TBX15: variants seen among roughly 807,000 people sequenced by gnomAD.
The protein encoded by TBX15 is T-box transcription factor 15.
Under a neutral mutation model 53.9 loss-of-function variants are expected in TBX15, and 18 were observed. The ratio of observed to expected loss-of-function variants is 0.33; its 90% CI spans 0.23 to 0.49. The LOEUF is 0.49. Among genes scored for constraint, TBX15 ranks in the 20% least tolerant of loss-of-function variants. The pLI is 0.98. For missense variants in TBX15, 692 were observed against 749.5 expected, an observed-to-expected ratio of 0.92 and a Z score of 0.90; for synonymous variants, 295 against 278.0, an observed-to-expected ratio of 1.06 and a Z score of -0.61.
intron 6 of TBX15, among the ~76,000 whole-genome samples, chr1:118,910,689 C>T (rs1027481049): frequency 6.6e-6 from 1 of 152,186 alleles, no homozygotes; most frequent in African/African-American, 2.4e-5. Flanking sequence ...GGTCCCCTTA[C>T]TTGCCGTAGC....
chr1:118,986,173 A>T lies in TBX15; in HGVS notation c.205+1418T>A, dbSNP rs577163548. Among the ~76,000 whole-genome samples the T allele has an allele frequency of 4.6e-5, 7 of 152,328 alleles. No homozygotes were observed. In the East Asian group the frequency reaches 1.4e-3, roughly 29 times the overall value. On this transcript the variant is annotated intron_variant, in intron 1 of 7. Transcript: ENST00000369429. ...AGAACTTCTAACTGTATGAAGGCCC[A>T]CGCGAGATTTTGACAATAGATAAAT...
chr1:118,923,350 C>T (rs1655487636), intron 5 of TBX15, 86 bp downstream of exon 5: 5 of 1,548,778 alleles, frequency 3.2e-6, no homozygotes, highest in Admixed American at 1.8e-5. Context: ...GTCAAATTCC[C>T]CTGAAAGTAA....
At chr1:118,920,887 G>A (rs1057396297) in intron 5 of TBX15, among the ~76,000 whole-genome samples, 1 of 152,186 alleles carries the variant, frequency 6.6e-6, no homozygotes, top group Non-Finnish European at 1.5e-5. Flanking sequence ...ATGGAAGTTA[G>A]CAGAAACAGG....
chr1:118,985,566 CCG>C (rs1657803581), intron 1 of TBX15, among the ~76,000 whole-genome samples: 1 of 152,208 alleles, frequency 6.6e-6, no homozygotes, highest in Non-Finnish European at 1.5e-5. Context: ...AAGGATTCCC[CCG>C]GCCCACTAAA....
intron 1 of TBX15, among the ~76,000 whole-genome samples, chr1:118,951,555 G>T (rs1478270357): frequency 2.0e-5 from 3 of 152,148 alleles, no homozygotes; most frequent in East Asian, 3.9e-4. Flanking sequence ...GTCTCCAAAT[G>T]GTTCCTTAGC....
At chr1:118,891,094 A>AACAGTGCTGT in intron 7 of TBX15, 1 of 289,348 alleles carries the variant, frequency 3.5e-6, no homozygotes, top group Non-Finnish European at 6.3e-6. Context: ...AGTTGAGATG[A>AACAGTGCTGT]GTACCATCCT....
At chr1:118,976,256 A>G (rs1050796570) in intron 1 of TBX15, among the ~76,000 whole-genome samples, 25 of 151,998 alleles carry the variant, frequency 1.6e-4, no homozygotes, top group Non-Finnish European at 5.9e-5. Flanking sequence ...CATTCAGCTC[A>G]GTTATAGGTT....
chr1:118,905,913 A>G (rs189182241), intron 6 of TBX15, among the ~76,000 whole-genome samples: 1 of 152,346 alleles, frequency 6.6e-6, no homozygotes, highest in African/African-American at 2.4e-5. Context: ...GGACAAAGAT[A>G]CAATTTCTGT....
chr1:118,952,342 T>A (rs1023512097), intron 1 of TBX15, among the ~76,000 whole-genome samples: 1 of 152,122 alleles, frequency 6.6e-6, no homozygotes, highest in Admixed American at 6.5e-5. Flanking sequence ...ATATCGAGAT[T>A]TTTGGCTACA....
At position 118,948,863 on chromosome 1, in the gene TBX15, A is replaced by G. The variant is rs182124661; in HGVS notation, c.206-17031T>C. On this transcript the variant is annotated intron_variant, in intron 1 of 7. Coordinates refer to ENST00000369429, the MANE Select transcript of TBX15 (RefSeq NM_001330677.2). ...AAATATTACTAAATTAGAGATAAAT[A>G]TTCTGCTAACTTGGTCCTTAGAAGA... is the stretch of plus-strand genomic sequence containing the variant. 1.0e-3 allele frequency among the ~76,000 whole-genome samples: 159 copies of G among 152,316 alleles called. 1 individual carries two copies. The highest frequency in any genetic ancestry group is 1.9e-3 in the Non-Finnish European group (127 of 68,026).
At chr1:118,905,370 G>A (rs1000398804) in intron 6 of TBX15, among the ~76,000 whole-genome samples, 8 of 152,150 alleles carry the variant, frequency 5.3e-5, no homozygotes, top group Non-Finnish European at 8.8e-5. Flanking sequence ...CAAAATGATC[G>A]CCAATTTTCT....
intron 6 of TBX15, among the ~76,000 whole-genome samples, chr1:118,912,920 G>A (rs1340191845): frequency 2.0e-5 from 3 of 152,130 alleles, no homozygotes; most frequent in African/African-American, 7.2e-5. Context: ...CTGGAATTTT[G>A]AGTGATTTTT....
intron 6 of TBX15, among the ~76,000 whole-genome samples, chr1:118,908,883 A>T (rs1314517363): frequency 6.6e-6 from 1 of 151,546 alleles, no homozygotes; most frequent in Admixed American, 6.6e-5. Flanking sequence ...ACACTCACAC[A>T]TATACAGGTT....
intron 7 of TBX15, among the ~76,000 whole-genome samples, chr1:118,887,462 G>A (rs1349375384): frequency 6.6e-6 from 1 of 152,106 alleles, no homozygotes; most frequent in Non-Finnish European, 1.5e-5. Context: ...ATCACTTGAG[G>A]TCAGGAGTTC....
chr1:118,963,661 G>C (rs1029080532), intron 1 of TBX15, among the ~76,000 whole-genome samples: 5 of 152,224 alleles, frequency 3.3e-5, no homozygotes, highest in Non-Finnish European at 7.3e-5. Flanking sequence ...ACTCAGAAGA[G>C]AGCCATGCTG....
intron 1 of TBX15, among the ~76,000 whole-genome samples, chr1:118,959,740 G>A (rs981139884): frequency 6.6e-6 from 1 of 152,186 alleles, no homozygotes; most frequent in Non-Finnish European, 1.5e-5. Flanking sequence ...TAGACCAAAT[G>A]AGAAAGAGAT....
intron 1 of TBX15, among the ~76,000 whole-genome samples, chr1:118,974,631 C>T (rs531189314): frequency 6.6e-6 from 1 of 152,292 alleles, no homozygotes; most frequent in Admixed American, 6.5e-5. Flanking sequence ...CATCCACTTA[C>T]AGCATTAGAA....
At chr1:118,901,491 A>G (rs1296085135) in intron 6 of TBX15, 1 of 449,726 alleles carries the variant, frequency 2.2e-6, no homozygotes, top group Non-Finnish European at 4.4e-6. Flanking sequence ...TTTCATTTTC[A>G]TAATAGGCAA....
At chr1:118,926,722 T>C (rs1396574565) in intron 2 of TBX15, 111 bp from the exon 3 acceptor site, 5 of 960,112 alleles carry the variant, frequency 5.2e-6, no homozygotes, top group Non-Finnish European at 3.2e-6. Flanking sequence ...TGTTTGTTTT[T>C]TGAGATGGAG....
Sources: gnomAD v4.1 joint callset for allele counts (sites outside exome capture counted in the v4.1 genomes callset) on GRCh38, gnomAD v4.1.1 for gene constraint, MANE v1.5 for transcripts, NCBI Gene and HGNC (gene_info 2026-07-23, HGNC 2026-07-21) for gene names.